ZNF8: variants seen among roughly 807,000 people sequenced by gnomAD.
The protein encoded by ZNF8 is zinc finger protein 8.
Under a neutral mutation model 12.2 loss-of-function variants are expected in ZNF8, and 9 were observed. The ratio of observed to expected loss-of-function variants is 0.73; its 90% CI spans 0.44 to 1.28. The LOEUF is 1.28. Ranked by LOEUF, ZNF8 falls within the 50% of genes most tolerant of loss-of-function variation. ZNF8 has a pLI of 0.00. For synonymous variants in ZNF8, 274 were observed against 282.3 expected, an observed-to-expected ratio of 0.97 and a Z score of 0.30; for missense variants, 664 against 729.1, an observed-to-expected ratio of 0.91 and a Z score of 1.03.
chr19:58,288,281 T>C (rs962205903), intron 3 of ZNF8, among the ~76,000 whole-genome samples: 2 of 152,118 alleles, frequency 1.3e-5, no homozygotes, highest in African/African-American at 4.8e-5. Flanking sequence ...AAGAAGCATT[T>C]TTCTTGTAAA....
chr19:58,297,469 T>C lies in ZNF8; in HGVS notation c.*1933T>C, dbSNP rs1172204012. 6.6e-6 allele frequency: 1 copy of C among 151,618 alleles called. No homozygotes were observed. Among genetic ancestry groups the C allele is most frequent in the Non-Finnish European group, 1.5e-5 (1 of 67,932 alleles). 9.4% of individuals were successfully genotyped at this position (151,618 alleles called of 1,614,324 possible). A position where few individuals can be genotyped will look rare whatever the true frequency, so the allele number is the denominator to read the frequency against. On this transcript the variant is annotated 3_prime_UTR_variant, in exon 4 of 4. Coordinates refer to ENST00000621650, the MANE Select transcript of ZNF8 (RefSeq NM_021089.3). Reference sequence around the variant, plus strand: ...ACTCTTTTGCCCAGGCTGGAGTCAGTGTTGTAATCACTGCTCACTTGGCAG... The same window carrying C: ...ACTCTTTTGCCCAGGCTGGAGTCAGCGTTGTAATCACTGCTCACTTGGCAG...
At position 58,298,807 on chromosome 19, in the gene ZNF8, C is replaced by G. The variant is rs2051472695; in HGVS notation, c.*3271C>G. On this transcript the variant is annotated 3_prime_UTR_variant, in exon 4 of 4. Transcript: ENST00000621650. Reference sequence around the variant, plus strand: ...ATAGTAATCATAATCTAAACAAGATCCACACAGTGCATTTGGTTGGAATTT... The same window carrying G: ...ATAGTAATCATAATCTAAACAAGATGCACACAGTGCATTTGGTTGGAATTT... 6.6e-6 allele frequency: 1 copy of G among 151,798 alleles called. No homozygotes were observed. Among genetic ancestry groups the G allele is most frequent in the Non-Finnish European group, 1.5e-5 (1 of 67,966 alleles). The allele number at this position is 151,798 out of a possible 1,614,324, so 9.4% of individuals were successfully genotyped here.
At position 58,285,861 on chromosome 19, in the gene ZNF8, A is replaced by C; in HGVS notation, c.193+18A>C. On this transcript the variant is annotated intron_variant, in intron 2 of 3. Coordinates refer to ENST00000621650, the MANE Select transcript of ZNF8 (RefSeq NM_021089.3). ...CTCCATAGGTAAGCCCTGCTTCGCA[A>C]GGTGTGATAGCTGATTCTCTCTGGG... 2.5e-6 allele frequency: 4 copies of C among 1,596,176 alleles called. No homozygotes were observed. Among genetic ancestry groups the C allele is most frequent in the Non-Finnish European group, 3.4e-6 (4 of 1,170,580 alleles).
chr19:58,288,986 A>G (rs2051401321), intron 3 of ZNF8, among the ~76,000 whole-genome samples: 2 of 152,160 alleles, frequency 1.3e-5, no homozygotes, highest in Non-Finnish European at 2.9e-5. Flanking sequence ...GCCCATAAAT[A>G]CTAAGCAAAA....
At chr19:58,285,597 TTCATAACGTG>T (rs1352913122) in intron 1 of ZNF8, 110 bp from the exon 2 acceptor site, 3 of 1,423,722 alleles carry the variant, frequency 2.1e-6, no homozygotes, top group Non-Finnish European at 3.0e-6. Context: ...ACTCCCATCA[TTCATAACGTG>T]CAGTCTCTCG....
rs1477321963 is a variant in ZNF8, at chr19:58,279,092, A to C, written c.11A>C (p.Glu4Ala). Residue 4 changes from glutamate (E) to alanine (A), a missense_variant, in exon 1 of 4, where the codon GAG (glutamate) becomes GCG (alanine). Coordinates refer to ENST00000621650, the MANE Select transcript of ZNF8 (RefSeq NM_021089.3). ...ACTGGGCGATCCAGCATGGACCCCG[A>C]GGACGAAGGGGTAGCGGGAGTGATG... MDP[E>A]DEGVAGVMSV... 3.3e-6 allele frequency: 5 copies of C among 1,525,726 alleles called. No individual in the cohort carries two copies. The highest frequency in any genetic ancestry group is 3.5e-6 in the Non-Finnish European group (4 of 1,131,012). The allele number at this position is 1,525,726 out of a possible 1,614,324, so 94.5% of individuals were successfully genotyped here.
chr19:58,287,800 G>T (rs1443251445), intron 3 of ZNF8, among the ~76,000 whole-genome samples: 1 of 142,348 alleles, frequency 7.0e-6, no homozygotes, highest in Admixed American at 6.9e-5. Context: ...TGATTTTTTT[G>T]ATTTTTTTCT....
At chr19:58,279,994 C>A in intron 1 of ZNF8, 1 of 611,728 alleles carries the variant, frequency 1.6e-6, no homozygotes. Flanking sequence ...TGTGTTGCTC[C>A]AAATTTGCAT....
At chr19:58,292,244 A>G (rs2051424040) in intron 3 of ZNF8, among the ~76,000 whole-genome samples, 1 of 152,126 alleles carries the variant, frequency 6.6e-6, no homozygotes, top group Non-Finnish European at 1.5e-5. Flanking sequence ...TACCGTGACA[A>G]AATACCACCG....
chr19:58,279,231 T>C, intron 1 of ZNF8, 84 bp downstream of exon 1: 2 of 1,536,086 alleles, frequency 1.3e-6, no homozygotes, highest in Non-Finnish European at 8.7e-7. Flanking sequence ...CGCGGCGCGA[T>C]GAGAGCGGCA....
In ZNF8 at chr19:58,299,218, T is replaced by C. The variant is rs2051475763; in HGVS notation, c.*3682T>C. ...AGCTCCGCCTCCCAGGTTCATGCCA[T>C]TCTCCTGCCTCAGCCTCCCGAGTAG... is the stretch of plus-strand genomic sequence containing the variant. On this transcript the variant is annotated 3_prime_UTR_variant, in exon 4 of 4. Transcript: ENST00000621650. 6.6e-6 allele frequency: 1 copy of C among 151,652 alleles called. No individual in the cohort carries two copies. The highest frequency in any genetic ancestry group is 1.5e-5 in the Non-Finnish European group (1 of 67,946). The allele number at this position is 151,652 out of a possible 1,614,324, so 9.4% of individuals were successfully genotyped here.
At chr19:58,292,350 C>T (rs2051424750) in intron 3 of ZNF8, among the ~76,000 whole-genome samples, 1 of 152,076 alleles carries the variant, frequency 6.6e-6, no homozygotes, top group African/African-American at 2.4e-5. Flanking sequence ...CTGGTAAGGG[C>T]CCCTTCCTCA....
At position 58,294,053 on chromosome 19, in the gene ZNF8, G is replaced by A. The variant is rs371313338; in HGVS notation, c.290-45G>A. The A allele has an allele frequency of 2.9e-5, 45 of 1,541,278 alleles. No individual in the cohort carries two copies. Among genetic ancestry groups the A allele is most frequent in the Middle Eastern group, 1.8e-4 (1 of 5,626 alleles). ...GGTGTTGGAGGCCTGTCCCCCTTCC[G>A]TTTTTTTCTCCCAACAGCTCAGAGA... On this transcript the variant is annotated intron_variant, in intron 3 of 3. Coordinates refer to ENST00000621650, the MANE Select transcript of ZNF8 (RefSeq NM_021089.3). This position sits in a 1 kb window ranked among gnomAD's most constrained non-coding sequence, Gnocchi z 5.5.
chr19:58,294,064 C>G lies in ZNF8; in HGVS notation c.290-34C>G. 1 of 1,553,676 alleles carries G rather than the reference C, an allele frequency of 6.4e-7. No individual in the cohort carries two copies. The highest frequency in any genetic ancestry group is 8.7e-7 in the Non-Finnish European group (1 of 1,148,778). On this transcript the variant is annotated intron_variant, in intron 3 of 3. Coordinates refer to ENST00000621650, the MANE Select transcript of ZNF8 (RefSeq NM_021089.3). This position sits in a 1 kb window ranked among gnomAD's most constrained non-coding sequence, Gnocchi z 5.5. The stretch of plus-strand genomic sequence containing the variant: ...CCTGTCCCCCTTCCGTTTTTTTCTC[C>G]CAACAGCTCAGAGATCTTTGGGTTT...
Position 58,297,942 on chromosome 19 carries a change from C to G in ZNF8, c.*2406C>G, listed in dbSNP as rs1299220027. On this transcript the variant is annotated 3_prime_UTR_variant, in exon 4 of 4. Transcript: ENST00000621650. ...CCTGAGTTCAAAGCAGGGCAGTAGC[C>G]CTGAGGTTGGTTGTTCATATTCTTC... The G allele has an allele frequency of 6.6e-6, 1 of 152,164 alleles. No homozygotes were observed. Among genetic ancestry groups the G allele is most frequent in the Non-Finnish European group, 1.5e-5 (1 of 68,048 alleles). The allele number at this position is 152,164 out of a possible 1,614,324, so 9.4% of individuals were successfully genotyped here.
In ZNF8 at chr19:58,296,523, T is replaced by C. The variant is rs542648669; in HGVS notation, c.*987T>C. On this transcript the variant is annotated 3_prime_UTR_variant, in exon 4 of 4. Coordinates refer to ENST00000621650, the MANE Select transcript of ZNF8 (RefSeq NM_021089.3). ...AATTCTCCTGCCTTAGTCCCCCGAGTAGCTGGGATTACACGCACCTGCCAC... is the reference window on the plus strand; with the variant it reads ...AATTCTCCTGCCTTAGTCCCCCGAGCAGCTGGGATTACACGCACCTGCCAC... The C allele has an allele frequency of 2.6e-5, 4 of 152,182 alleles. No individual in the cohort carries two copies. The highest frequency in any genetic ancestry group is 9.6e-5 in the African/African-American group (4 of 41,512). The allele number at this position is 152,182 out of a possible 1,614,324, so 9.4% of individuals were successfully genotyped here. A position where few individuals can be genotyped will look rare whatever the true frequency, so the allele number is the denominator to read the frequency against.
chr19:58,286,007 A>T, intron 2 of ZNF8, 103 bp from the exon 3 acceptor site: 1 of 1,417,034 alleles, frequency 7.1e-7, no homozygotes, highest in Non-Finnish European at 9.8e-7. Flanking sequence ...CCATGTTGTG[A>T]GGTGCCCACG....
Position 58,279,108 on chromosome 19 carries a change from G to A in ZNF8, c.27G>A (p.Ala9=). Reference sequence around the variant, plus strand: ...TGGACCCCGAGGACGAAGGGGTAGCGGGAGTGATGTCTGTGGGGCCGCCGG... The same window carrying A: ...TGGACCCCGAGGACGAAGGGGTAGCAGGAGTGATGTCTGTGGGGCCGCCGG... MDPEDEGV[A]GVMSVGPPAA... The change falls in exon 1 of 4, where the codon GCG becomes GCA. Residue 9 remains alanine, a synonymous_variant. Transcript: ENST00000621650. 6.4e-7 allele frequency: 1 copy of A among 1,551,288 alleles called. No homozygotes were observed. Among genetic ancestry groups the A allele is most frequent in the Non-Finnish European group, 8.7e-7 (1 of 1,144,944 alleles).
chr19:58,283,974 C>T (rs1034564002), intron 1 of ZNF8, among the ~76,000 whole-genome samples: 1 of 152,112 alleles, frequency 6.6e-6, no homozygotes, highest in African/African-American at 2.4e-5. Flanking sequence ...TAAATTACTT[C>T]GTCCTTAGGA....
Sources: allele counts gnomAD v4.1 joint callset (sites outside exome capture counted in the v4.1 genomes callset), GRCh38; gene constraint gnomAD v4.1.1; non-coding constraint Gnocchi (gnomAD v3.1); transcripts MANE v1.5; gene names NCBI Gene and HGNC (gene_info 2026-07-23, HGNC 2026-07-21).